The following PTPRD variants were observed in gnomAD, a reference collection of about 807,000 sequenced individuals.
The protein encoded by PTPRD is receptor-type tyrosine-protein phosphatase delta.
PTPRD carries 34 observed loss-of-function variants against 214.5 expected under a neutral mutation model. That is an observed-to-expected ratio of 0.16 (90% confidence interval 0.12 to 0.21). The LOEUF is 0.21. Ranked by LOEUF, PTPRD falls within the 10% of genes least tolerant of loss-of-function variation. The pLI is 1.00. For synonymous variants in PTPRD, 1,128 were observed against 845.7 expected (o/e 1.33, Z -5.79); for missense variants, 2,545 against 2,398.7 (o/e 1.06, Z -1.27).
intron 33 of PTPRD, among the ~76,000 whole-genome samples, chr9:8,453,624 G>A (rs1018492011): frequency 6.6e-6 from 1 of 152,212 alleles, no homozygotes; most frequent in Non-Finnish European, 1.5e-5. Context: ...TCTTATCATT[G>A]AACATGAGGC....
intron 44 of PTPRD, among the ~76,000 whole-genome samples, chr9:8,328,178 G>C (rs556558699): frequency 1.3e-5 from 2 of 152,228 alleles, no homozygotes; most frequent in South Asian, 2.1e-4. Flanking sequence ...TCCATGTTTA[G>C]TGCTTCCTTC....
chr9:8,739,800 AG>A (rs2091451567), intron 11 of PTPRD, among the ~76,000 whole-genome samples: 1 of 152,158 alleles, frequency 6.6e-6, no homozygotes, highest in Non-Finnish European at 1.5e-5. Flanking sequence ...ACTGAATTAT[AG>A]GGGCAGGGCT....
Position 8,524,982 on chromosome 9 carries a change from C to T in PTPRD, c.622G>A (p.Val208Ile), listed in dbSNP as rs749971803. The T allele has an allele frequency of 2.0e-5, 32 of 1,613,560 alleles. No individual in the cohort carries two copies. Among genetic ancestry groups the T allele is most frequent in the Non-Finnish European group, 2.5e-5 (29 of 1,179,712 alleles). The change falls in exon 18 of 46, where the codon GTT (valine) becomes ATT (isoleucine). Residue 208 changes from valine to isoleucine, a missense_variant. Physicochemically the swap from Val to Ile is conservative, Grantham distance 29. Coordinates refer to ENST00000381196, the MANE Select transcript of PTPRD (RefSeq NM_002839.4). ...EESDQGKYECVATNSAGTRYS... is the reference protein window; with the variant it reads ...EESDQGKYECIATNSAGTRYS... ...CGAGTGCCCGCGCTGTTGGTGGCAA[C>T]ACACTCATATTTTCCTTGGTCAGAC...
chr9:9,844,262 A>G (rs2058976786), intron 5 of PTPRD, among the ~76,000 whole-genome samples: 1 of 152,040 alleles, frequency 6.6e-6, no homozygotes, highest in Non-Finnish European at 1.5e-5. Context: ...TGTAATAATT[A>G]TCACAAACAC....
At chr9:10,152,241 T>A (rs2099065903) in intron 3 of PTPRD, among the ~76,000 whole-genome samples, 2 of 152,094 alleles carry the variant, frequency 1.3e-5, no homozygotes. Flanking sequence ...TGTAGCTCTC[T>A]CATGGTTTCA....
chr9:9,035,917 T>C (rs1030802871), intron 10 of PTPRD, among the ~76,000 whole-genome samples: 1 of 152,146 alleles, frequency 6.6e-6, no homozygotes, highest in Non-Finnish European at 1.5e-5. Context: ...AGAAAGATAT[T>C]TGAAGACTAA....
In PTPRD at chr9:10,177,693, TTAA is replaced by T. The variant is rs530199751; in HGVS notation, c.-544-143906_-544-143904del. On this transcript the variant is annotated intron_variant, in intron 3 of 45. Coordinates refer to ENST00000381196, the MANE Select transcript of PTPRD (RefSeq NM_002839.4). ...GTTTAAAGGGTAGAATTAGCAGGAC[TTAA>T]TAATTAATTGTTAACTCTTTTTGAA... Among the ~76,000 whole-genome samples, 9 of 152,042 alleles carry T rather than the reference TTAA, an allele frequency of 5.9e-5. 1 individual carries two copies. The South Asian group carries it at 1.9e-3, about 32-fold the overall frequency.
intron 9 of PTPRD, among the ~76,000 whole-genome samples, chr9:9,257,467 C>T (rs1363493321): frequency 6.6e-5 from 10 of 151,818 alleles, no homozygotes; most frequent in African/African-American, 1.7e-4. Flanking sequence ...AAACAGAAAG[C>T]TAAAACAAAA....
chr9:9,881,767 A>G (rs1057338636), intron 5 of PTPRD, among the ~76,000 whole-genome samples: 5 of 152,160 alleles, frequency 3.3e-5, no homozygotes, highest in Non-Finnish European at 7.4e-5. Flanking sequence ...CAGAGTAACC[A>G]TATCATTTGC....
At chr9:10,098,428 G>C (rs910458586) in intron 3 of PTPRD, among the ~76,000 whole-genome samples, 10 of 151,282 alleles carry the variant, frequency 6.6e-5, no homozygotes, top group African/African-American at 2.4e-4. Flanking sequence ...CACCAACATG[G>C]CACATGTATA....
At chr9:8,474,241 T>A (rs1293835264) in intron 30 of PTPRD, among the ~76,000 whole-genome samples, 1 of 152,120 alleles carries the variant, frequency 6.6e-6, no homozygotes, top group Non-Finnish European at 1.5e-5. Flanking sequence ...TACATTATGA[T>A]CTTCTCTGGC....
At chr9:9,097,806 A>AT (rs148748537) in intron 10 of PTPRD, among the ~76,000 whole-genome samples, 21,476 of 151,894 alleles carry the variant, frequency 0.14, 1,777 homozygotes, top group East Asian at 0.23. Context: ...GTTACGAACT[A>AT]TTTTTCACGG....
At chr9:9,277,037 T>C (rs75487563) in intron 9 of PTPRD, among the ~76,000 whole-genome samples, 2,588 of 151,494 alleles carry the variant, frequency 0.017, 29 homozygotes, top group Non-Finnish European at 0.026. Flanking sequence ...GCCACTACTG[T>C]ATCTAGTACA....
At chr9:8,416,880 G>A (rs556242316) in intron 35 of PTPRD, among the ~76,000 whole-genome samples, 1 of 151,668 alleles carries the variant, frequency 6.6e-6, no homozygotes, top group Admixed American at 6.6e-5. Context: ...GGCATAGAAG[G>A]GTTAAGATAC....
chr9:8,480,929 G>C (rs369107826), intron 30 of PTPRD, among the ~76,000 whole-genome samples: 34 of 152,184 alleles, frequency 2.2e-4, no homozygotes, highest in Admixed American at 7.2e-4. Flanking sequence ...CACGAGGTCA[G>C]GAGATCGAGA....
At chr9:8,903,963 G>A (rs976141144) in intron 11 of PTPRD, among the ~76,000 whole-genome samples, 2 of 152,072 alleles carry the variant, frequency 1.3e-5, no homozygotes, top group Admixed American at 6.6e-5. Flanking sequence ...AAGTCTAAAC[G>A]TGTTCACTTA....
intron 3 of PTPRD, among the ~76,000 whole-genome samples, chr9:10,238,061 C>T (rs1002933662): frequency 6.6e-6 from 1 of 151,258 alleles, no homozygotes. Flanking sequence ...TTCTCTGATT[C>T]TCAAGTGAAA....
chr9:10,359,455 T>C (rs928015679), intron 2 of PTPRD, among the ~76,000 whole-genome samples: 14 of 152,078 alleles, frequency 9.2e-5, no homozygotes, highest in African/African-American at 2.9e-4. Context: ...AGTAAATATT[T>C]TAAATAAGGC....
chr9:8,549,786 A>G (rs566907588), intron 14 of PTPRD, among the ~76,000 whole-genome samples: 44 of 152,336 alleles, frequency 2.9e-4, no homozygotes, highest in African/African-American at 8.2e-4. Flanking sequence ...TTCTAATGGT[A>G]GCTTAGGATA....
Sources: allele counts gnomAD v4.1 joint callset (sites outside exome capture counted in the v4.1 genomes callset), GRCh38; gene constraint gnomAD v4.1.1; transcripts MANE v1.5; gene names NCBI Gene and HGNC (gene_info 2026-07-23, HGNC 2026-07-21).